NLK: variants seen among roughly 807,000 people sequenced by gnomAD.
NLK encodes the protein nemo like kinase, also known as serine/threonine-protein kinase NLK.
NLK carries 11 observed loss-of-function variants against 59.0 expected under a neutral mutation model. The ratio of observed to expected loss-of-function variants is 0.19; its 90% CI spans 0.12 to 0.31. The LOEUF is 0.31. Ranked by LOEUF, NLK falls within the 10% of genes least tolerant of loss-of-function variation. The probability of loss-of-function intolerance (pLI) is 1.00; values close to 1 mark genes in which losing one functional copy is unlikely to be tolerated. For synonymous variants in NLK, 235 were observed against 235.9 expected (o/e 1.00, Z 0.03); for missense variants, 410 against 661.1 (o/e 0.62, Z 4.16).
chr17:28,108,714 C>T (rs564871836), intron 1 of NLK, among the ~76,000 whole-genome samples: 18 of 152,284 alleles, frequency 1.2e-4, no homozygotes, highest in Middle Eastern at 3.4e-3. Context: ...TGTACCCTGG[C>T]TGGTGGGAAG....
At chr17:28,071,983 C>A (rs1461567428) in intron 1 of NLK, among the ~76,000 whole-genome samples, 1 of 152,142 alleles carries the variant, frequency 6.6e-6, no homozygotes, top group Non-Finnish European at 1.5e-5. Context: ...TCTTTGAGTT[C>A]TCAGCTTTCT....
At chr17:28,127,599 A>G (rs1157564758) in intron 2 of NLK, among the ~76,000 whole-genome samples, 2 of 152,206 alleles carry the variant, frequency 1.3e-5, no homozygotes, top group Non-Finnish European at 2.9e-5. Flanking sequence ...TTAAAATAAT[A>G]CAGTCTCCCA....
intron 1 of NLK, among the ~76,000 whole-genome samples, chr17:28,054,981 T>G (rs1909387677): frequency 6.6e-6 from 1 of 152,158 alleles, no homozygotes; most frequent in Non-Finnish European, 1.5e-5. Flanking sequence ...GCTCTGCCCC[T>G]CATTATCTGT....
intron 1 of NLK, among the ~76,000 whole-genome samples, chr17:28,073,917 G>A (rs1221317165): frequency 6.6e-6 from 1 of 152,196 alleles, no homozygotes; most frequent in Non-Finnish European, 1.5e-5. Flanking sequence ...CATGTAATAT[G>A]CATTCACTAA....
At chr17:28,048,264 G>C (rs1371528440) in intron 1 of NLK, 1 of 290,358 alleles carries the variant, frequency 3.4e-6, no homozygotes, top group African/African-American at 2.2e-5. Context: ...AAGTCATTTT[G>C]TACTTAGACT....
downstream of NLK, among the ~76,000 whole-genome samples, chr17:28,200,001 C>T (rs1258028782): frequency 6.6e-6 from 1 of 152,138 alleles, no homozygotes; most frequent in Non-Finnish European, 1.5e-5. Context: ...TAGAGTTAGC[C>T]TGGCAAAGAG....
chr17:28,193,792 A>G (rs1567743715), intron 10 of NLK, among the ~76,000 whole-genome samples: 1 of 151,978 alleles, frequency 6.6e-6, no homozygotes, highest in Non-Finnish European at 1.5e-5. Flanking sequence ...TCTTCCATGT[A>G]TTTTTCTATT....
At chr17:28,157,175 C>G (rs1239224102) in intron 3 of NLK, among the ~76,000 whole-genome samples, 1 of 149,826 alleles carries the variant, frequency 6.7e-6, no homozygotes, top group Non-Finnish European at 1.5e-5. Context: ...TGCCACAATG[C>G]TCACCTATTT....
intron 1 of NLK, among the ~76,000 whole-genome samples, chr17:28,070,813 C>T (rs1253592194): frequency 1.3e-5 from 2 of 152,170 alleles, no homozygotes; most frequent in African/African-American, 4.8e-5. Context: ...ATTCTCACAA[C>T]ATCCTTCTTT....
chr17:28,187,395 CG>C (rs1567741496), intron 8 of NLK, among the ~76,000 whole-genome samples: 1 of 152,174 alleles, frequency 6.6e-6, no homozygotes, highest in East Asian at 1.9e-4. Flanking sequence ...CTCCACCTCC[CG>C]GGTTCAAGCG....
intron 3 of NLK, among the ~76,000 whole-genome samples, chr17:28,146,302 G>A (rs1327427996): frequency 1.3e-5 from 2 of 152,038 alleles, no homozygotes; most frequent in South Asian, 2.1e-4. Flanking sequence ...ATTAATGTAC[G>A]TTGAACATTT....
chr17:28,097,766 T>C (rs1375154280), intron 1 of NLK, among the ~76,000 whole-genome samples: 2 of 152,208 alleles, frequency 1.3e-5, no homozygotes, highest in Non-Finnish European at 2.9e-5. Flanking sequence ...TGATTGACTC[T>C]AAGTTTTAGC....
chr17:28,192,151 G>A lies in NLK; in HGVS notation c.1467G>A (p.Gln489=). ...EIIHQFILEQ[Q]KGNRVPLCIN... ...TTCATCAGTTCATTTTGGAACAGCA[G>A]AAAGGAAACAGAGTGCCTCTCTGCA... Residue 489 remains glutamine (Q), a synonymous_variant, in exon 10 of 11, where the codon CAG becomes CAA. Transcript: ENST00000407008. 6.2e-7 allele frequency: 1 copy of A among 1,609,558 alleles called. No individual in the cohort carries two copies. Among genetic ancestry groups the A allele is most frequent in the Non-Finnish European group, 8.5e-7 (1 of 1,177,184 alleles).
the NLK span, among the ~76,000 whole-genome samples, chr17:28,203,832 C>T: frequency 1.3e-5 from 2 of 152,210 alleles, no homozygotes; most frequent in African/African-American, 2.4e-5. Context: ...CCACTGCGCC[C>T]GGCCCTGTTG....
intron 3 of NLK, among the ~76,000 whole-genome samples, chr17:28,141,922 A>C (rs1200647847): frequency 6.6e-6 from 1 of 152,114 alleles, no homozygotes; most frequent in Non-Finnish European, 1.5e-5. Flanking sequence ...CTCAGCTCTT[A>C]ATCTCTGGGT....
intron 3 of NLK, among the ~76,000 whole-genome samples, chr17:28,140,948 T>C (rs750568147): frequency 1.3e-5 from 2 of 152,232 alleles, no homozygotes; most frequent in Non-Finnish European, 2.9e-5. Context: ...AGTAACACTT[T>C]CATTTTTCCA....
At chr17:28,064,116 C>G (rs1157026568) in intron 1 of NLK, among the ~76,000 whole-genome samples, 1 of 144,802 alleles carries the variant, frequency 6.9e-6, no homozygotes, top group Admixed American at 7.0e-5. Flanking sequence ...GGATGGCTAA[C>G]ATAGTAGTTA....
chr17:28,200,285 T>G (rs180888826), downstream of NLK, among the ~76,000 whole-genome samples: 95 of 152,274 alleles, frequency 6.2e-4, 1 homozygote, highest in African/African-American at 2.0e-3. Context: ...GTTTTATCAT[T>G]TTACATTTCT....
chr17:28,160,243 G>C (rs1350014503), intron 3 of NLK, among the ~76,000 whole-genome samples: 2 of 152,154 alleles, frequency 1.3e-5, no homozygotes, highest in Non-Finnish European at 2.9e-5. Context: ...AAAATGTCTC[G>C]AGGAGGAGGG....
Sources: gnomAD v4.1 joint callset for allele counts (sites outside exome capture counted in the v4.1 genomes callset) on GRCh38, gnomAD v4.1.1 for gene constraint, MANE v1.5 for transcripts, NCBI Gene and HGNC (gene_info 2026-07-23, HGNC 2026-07-21) for gene names.